FGF7: variants seen among roughly 807,000 people sequenced by gnomAD.
FGF7 encodes the protein fibroblast growth factor 7, also known as FGF-7.
In FGF7, 6 loss-of-function variants were observed where a neutral mutation model predicts 20.5. The ratio of observed to expected loss-of-function variants is 0.29; its 90% CI spans 0.16 to 0.58. FGF7 has a LOEUF of 0.58. Ranked by LOEUF, FGF7 falls within the 20% of genes least tolerant of loss-of-function variation. FGF7 has a pLI of 0.90. For synonymous variants in FGF7, 64 were observed against 74.7 expected (o/e 0.86, Z 0.74); for missense variants, 144 against 228.8 (o/e 0.63, Z 2.39).
intron 2 of FGF7, among the ~76,000 whole-genome samples, chr15:49,437,495 T>C (rs2051212994): frequency 6.6e-6 from 1 of 151,666 alleles, no homozygotes; most frequent in East Asian, 1.9e-4. Context: ...CCAAAGATAG[T>C]ATATCTGGAA....
rs536001441 is a variant in FGF7 at position 49,477,680 on chromosome 15, T to C, written c.287-5471T>C. On this transcript the variant is annotated intron_variant, in intron 2 of 3. Transcript: ENST00000267843. ...TGTGTGGACATAGTTTTCAATTCAA[T>C]TGGGCAAAAACCTGGGGGCATGACT... Among the ~76,000 whole-genome samples the C allele has an allele frequency of 2.2e-4, 33 of 152,324 alleles. No homozygotes were observed. The South Asian group carries it at 3.9e-3, about 18-fold the overall frequency.
chr15:49,471,037 T>C (rs2054694122), intron 2 of FGF7, among the ~76,000 whole-genome samples: 1 of 152,196 alleles, frequency 6.6e-6, no homozygotes, highest in Non-Finnish European at 1.5e-5. Flanking sequence ...CTTGAGTAGA[T>C]GTGAAAGTGA....
chr15:49,436,899 C>T (rs1189228991), intron 2 of FGF7, among the ~76,000 whole-genome samples: 1 of 151,474 alleles, frequency 6.6e-6, no homozygotes, highest in Non-Finnish European at 1.5e-5. Context: ...TGTAATATGA[C>T]CTAATGAATA....
chr15:49,451,353 A>G (rs567277715), intron 2 of FGF7, among the ~76,000 whole-genome samples: 2 of 152,054 alleles, frequency 1.3e-5, no homozygotes, highest in African/African-American at 4.8e-5. Flanking sequence ...TATCATAATG[A>G]TAAAGTATTT....
chr15:49,449,157 CTA>C (rs946018101), intron 2 of FGF7, among the ~76,000 whole-genome samples: 19 of 152,088 alleles, frequency 1.2e-4, no homozygotes, highest in African/African-American at 4.6e-4. Context: ...CACTCTAGCA[CTA>C]TCTCAGACTG....
At chr15:49,478,592 A>C (rs2151999015) in intron 2 of FGF7, among the ~76,000 whole-genome samples, 1 of 152,230 alleles carries the variant, frequency 6.6e-6, no homozygotes, top group African/African-American at 2.4e-5. Flanking sequence ...TAACATGCCA[A>C]AGAGGGTATA....
At chr15:49,439,092 TTA>T (rs2051377402) in intron 2 of FGF7, among the ~76,000 whole-genome samples, 1 of 151,696 alleles carries the variant, frequency 6.6e-6, no homozygotes, top group South Asian at 2.1e-4. Context: ...TGAAGTCTTC[TTA>T]TGTCTTGACT....
At chr15:49,469,221 A>G (rs902947752) in intron 2 of FGF7, among the ~76,000 whole-genome samples, 7 of 152,158 alleles carry the variant, frequency 4.6e-5, no homozygotes, top group Admixed American at 4.6e-4. Context: ...ATAAAATTAT[A>G]TTACTCTGTT....
At chr15:49,456,544 T>C (rs1356996032) in intron 2 of FGF7, among the ~76,000 whole-genome samples, 3 of 152,138 alleles carry the variant, frequency 2.0e-5, no homozygotes, top group African/African-American at 4.8e-5. Flanking sequence ...TGGATATATA[T>C]AAAAATAAGA....
At chr15:49,431,740 T>A (rs1457187713) in intron 2 of FGF7, among the ~76,000 whole-genome samples, 2 of 151,756 alleles carry the variant, frequency 1.3e-5, no homozygotes, top group Non-Finnish European at 2.9e-5. Context: ...AAAAAGACTT[T>A]ACATAAAAAT....
At chr15:49,426,338 A>T (rs1191858503) in intron 2 of FGF7, among the ~76,000 whole-genome samples, 2 of 152,012 alleles carry the variant, frequency 1.3e-5, no homozygotes, top group East Asian at 1.9e-4. Context: ...AGATGAAAGT[A>T]ATAGGATAAG....
intron 2 of FGF7, among the ~76,000 whole-genome samples, chr15:49,464,734 A>T (rs1284053819): frequency 6.6e-6 from 1 of 152,214 alleles, no homozygotes; most frequent in Non-Finnish European, 1.5e-5. Context: ...CACTATCAGG[A>T]AGAATGTAAG....
Position 49,484,574 on chromosome 15 carries a change from C to T in FGF7, c.*70C>T, listed in dbSNP as rs940021016. 4 of 744,032 alleles carry T rather than the reference C, an allele frequency of 5.4e-6. No individual in the cohort carries two copies. Among genetic ancestry groups the T allele is most frequent in the Non-Finnish European group, 5.9e-6 (3 of 506,256 alleles). 46.1% of individuals were successfully genotyped at this position (744,032 alleles called of 1,614,324 possible). A position where few individuals can be genotyped will look rare whatever the true frequency, so the allele number is the denominator to read the frequency against. ...TTAAGTGGACTGTTTTCTTTCTTCT[C>T]AAAATTTTCTTTCCTTTTATTTTTT... On this transcript the variant is annotated 3_prime_UTR_variant, in exon 4 of 4. Transcript: ENST00000267843.
intron 2 of FGF7, among the ~76,000 whole-genome samples, chr15:49,449,688 T>C (rs1003088656): frequency 1.3e-5 from 2 of 152,092 alleles, no homozygotes; most frequent in Non-Finnish European, 2.9e-5. Context: ...TTCAGATGAA[T>C]TGCTGCCAAG....
chr15:49,454,531 A>G (rs1457068235), intron 2 of FGF7, among the ~76,000 whole-genome samples: 1 of 152,198 alleles, frequency 6.6e-6, no homozygotes, highest in Non-Finnish European at 1.5e-5. Flanking sequence ...GGTTCCACTT[A>G]ACTTATCTGT....
At chr15:49,442,057 AG>A (rs2051703156) in intron 2 of FGF7, among the ~76,000 whole-genome samples, 1 of 151,660 alleles carries the variant, frequency 6.6e-6, no homozygotes, top group Non-Finnish European at 1.5e-5. Flanking sequence ...AATGTGTTCA[AG>A]TAATTGAATT....
At position 49,450,010 on chromosome 15, in the gene FGF7, T is replaced by C. The variant is rs80184035; in HGVS notation, c.286+25427T>C. Among the ~76,000 whole-genome samples the C allele has an allele frequency of 3.8e-3, 571 of 152,184 alleles. 6 individuals are homozygous for C. Among genetic ancestry groups the C allele is most frequent in the Non-Finnish European group, 5.5e-3 (374 of 67,978 alleles). On this transcript the variant is annotated intron_variant, in intron 2 of 3. Transcript: ENST00000267843. ...GACTGTGATGCGCCATTCATACAAATGTGGTTGCATGAGCCCGTAAGGAAT... is the reference window on the plus strand; with the variant it reads ...GACTGTGATGCGCCATTCATACAAACGTGGTTGCATGAGCCCGTAAGGAAT...
At chr15:49,424,735 T>C (rs112975672) in intron 2 of FGF7, 152 bp downstream of exon 2, 34 of 570,336 alleles carry the variant, frequency 6.0e-5, no homozygotes, top group African/African-American at 5.3e-4. Flanking sequence ...TGTTGAACTA[T>C]GCCCCTAAAA....
chr15:49,430,867 G>T (rs2050550700), intron 2 of FGF7, among the ~76,000 whole-genome samples: 1 of 151,796 alleles, frequency 6.6e-6, no homozygotes, highest in Non-Finnish European at 1.5e-5. Flanking sequence ...CATGAGTTTT[G>T]GAGAGGACAT....
Sources: gnomAD v4.1 joint callset for allele counts (sites outside exome capture counted in the v4.1 genomes callset) on GRCh38, gnomAD v4.1.1 for gene constraint, MANE v1.5 for transcripts, NCBI Gene and HGNC (gene_info 2026-07-23, HGNC 2026-07-21) for gene names.